Variants in DIAPH3 observed in about 807,000 individuals in gnomAD.
DIAPH3 encodes protein diaphanous homolog 3.
Under a neutral mutation model 144.3 loss-of-function variants are expected in DIAPH3, and 117 were observed. The ratio of observed to expected loss-of-function variants is 0.81; its 90% confidence interval spans 0.70 to 0.95. The LOEUF is 0.95. DIAPH3 is among the 40% of genes least tolerant of loss of function. DIAPH3 has a pLI of 0.00. For synonymous variants in DIAPH3, 519 were observed against 488.9 expected (o/e 1.06, Z -0.81); for missense variants, 1,421 against 1,412.7 (o/e 1.01, Z -0.09).
At chr13:59,984,225 C>G (rs948121083) in intron 12 of DIAPH3, among the ~76,000 whole-genome samples, 1 of 151,574 alleles carries the variant, frequency 6.6e-6, no homozygotes, top group African/African-American at 2.4e-5. Flanking sequence ...TTCCACTGTA[C>G]CACACTGAAA....
At chr13:59,829,545 A>G (rs1361285574) in intron 24 of DIAPH3, among the ~76,000 whole-genome samples, 1 of 151,962 alleles carries the variant, frequency 6.6e-6, no homozygotes, top group Non-Finnish European at 1.5e-5. Context: ...AGTTGCTACT[A>G]TAAGGATTAA....
chr13:59,969,850 T>G, intron 17 of DIAPH3, 94 bp downstream of exon 17: 2 of 766,606 alleles, frequency 2.6e-6, no homozygotes, highest in Non-Finnish European at 2.1e-6. Context: ...ATGTACAGGA[T>G]TCATAAAATA....
chr13:59,792,765 G>T (rs749009784), intron 25 of DIAPH3, among the ~76,000 whole-genome samples: 27 of 152,002 alleles, frequency 1.8e-4, no homozygotes, highest in Admixed American at 9.2e-4. Flanking sequence ...TGGTTCACAC[G>T]CTGGTATCTT....
At chr13:59,982,195 ATT>A (rs754730970) in intron 13 of DIAPH3, among the ~76,000 whole-genome samples, 14 of 151,612 alleles carry the variant, frequency 9.2e-5, no homozygotes, top group Non-Finnish European at 1.6e-4. Context: ...AGTAAATACA[ATT>A]AATTTATTAA....
At chr13:59,696,587 G>A (rs2033815237) in intron 27 of DIAPH3, among the ~76,000 whole-genome samples, 1 of 152,184 alleles carries the variant, frequency 6.6e-6, no homozygotes, top group African/African-American at 2.4e-5. Flanking sequence ...GCAAAAGGCA[G>A]GATGTTGACA....
intron 18 of DIAPH3, among the ~76,000 whole-genome samples, chr13:59,917,519 C>T (rs956679942): frequency 2.0e-5 from 3 of 152,026 alleles, no homozygotes; most frequent in Non-Finnish European, 4.4e-5. Flanking sequence ...AATATGAAAT[C>T]ATTACAATAA....
chr13:59,922,804 A>G (rs1359202), intron 18 of DIAPH3, among the ~76,000 whole-genome samples: 49,629 of 151,946 alleles, frequency 0.33, 8,811 homozygotes, highest in East Asian at 0.77. Flanking sequence ...AATAGGATAT[A>G]TATACTCTAG....
chr13:59,887,805 A>C (rs534157557), intron 20 of DIAPH3, among the ~76,000 whole-genome samples: 10 of 152,180 alleles, frequency 6.6e-5, no homozygotes, highest in African/African-American at 1.9e-4. Flanking sequence ...AGGAGTGTTA[A>C]AGTCTCATTA....
chr13:59,864,754 A>C lies in DIAPH3; in HGVS notation c.2608-3218T>G, dbSNP rs2043813887. Among the ~76,000 whole-genome samples, 3 of 152,052 alleles carry C rather than the reference A, an allele frequency of 2.0e-5. No individual in the cohort carries two copies. In the South Asian group the frequency reaches 6.2e-4, roughly 32 times the overall value. ...TTATTCAGAGACCATTATAAAGCTA[A>C]ACACTGATTTAGGAGGAGGGTGCTA... On this transcript the variant is annotated intron_variant, in intron 21 of 27. Coordinates refer to ENST00000400324, the MANE Select transcript of DIAPH3 (RefSeq NM_001042517.2).
chr13:60,017,748 A>C (rs546476719), intron 5 of DIAPH3, among the ~76,000 whole-genome samples: 101 of 152,322 alleles, frequency 6.6e-4, no homozygotes, highest in African/African-American at 2.4e-3. Context: ...CCATGAAATA[A>C]CTAATTTTTA....
chr13:59,776,606 T>C (rs1350016528), intron 25 of DIAPH3, among the ~76,000 whole-genome samples: 2 of 151,972 alleles, frequency 1.3e-5, no homozygotes, highest in Non-Finnish European at 2.9e-5. Flanking sequence ...AATAAACATG[T>C]TTTCATATTG....
At chr13:59,834,034 A>C (rs2041918836) in intron 23 of DIAPH3, among the ~76,000 whole-genome samples, 1 of 151,696 alleles carries the variant, frequency 6.6e-6, no homozygotes, top group Non-Finnish European at 1.5e-5. Context: ...TAGATTATTA[A>C]AAATTATGAT....
chr13:59,802,459 A>G (rs896111179), intron 25 of DIAPH3, among the ~76,000 whole-genome samples: 3 of 150,738 alleles, frequency 2.0e-5, no homozygotes, highest in African/African-American at 7.3e-5. Context: ...TTATTTATCA[A>G]TTTATAAATA....
intron 9 of DIAPH3, among the ~76,000 whole-genome samples, chr13:60,005,621 C>T (rs1031013797): frequency 6.6e-6 from 1 of 152,122 alleles, no homozygotes; most frequent in Non-Finnish European, 1.5e-5. Context: ...GCTGGGACTA[C>T]AGGCACCCAC....
Position 59,971,052 on chromosome 13 carries a change from C to A in DIAPH3, c.1759G>T (p.Val587Leu), listed in dbSNP as rs756449325. 1 of 1,613,536 alleles carries A rather than the reference C, an allele frequency of 6.2e-7. No homozygotes were observed. Among genetic ancestry groups the A allele is most frequent in the Non-Finnish European group, 8.5e-7 (1 of 1,179,850 alleles). The change falls in exon 16 of 28, where the codon GTG becomes TTG. Residue 587 changes from valine (V) to leucine (L), a missense_variant. Val to Leu is a conservative substitution (Grantham distance 32, BLOSUM62 1). Coordinates refer to ENST00000400324, the MANE Select transcript of DIAPH3 (RefSeq NM_001042517.2). ...PPPPLPSGGGVPPPPPPPPPP... is the reference protein window; with the variant it reads ...PPPPLPSGGGLPPPPPPPPPP... ...GGTGGGGGAGGAGGTGGAGGCGGCA[C>A]CCCTCCACCAGAAGGCAGTGGAGGC...
chr13:59,786,483 A>C lies in DIAPH3; in HGVS notation c.3164-11660T>G, dbSNP rs79279512. 2.7e-3 allele frequency among the ~76,000 whole-genome samples: 415 copies of C among 152,240 alleles called. 1 individual carries two copies. The highest frequency in any genetic ancestry group is 9.3e-3 in the African/African-American group (386 of 41,566). On this transcript the variant is annotated intron_variant, in intron 25 of 27. Coordinates refer to ENST00000400324, the MANE Select transcript of DIAPH3 (RefSeq NM_001042517.2). ...ATTCTTAATTTTCACATTTCTTATG[A>C]TTTAGGTTCTGTTGTAAGAAAATAA...
chr13:60,104,483 A>G (rs2058353716), intron 3 of DIAPH3, among the ~76,000 whole-genome samples: 1 of 151,852 alleles, frequency 6.6e-6, no homozygotes, highest in African/African-American at 2.4e-5. Context: ...TTTTGGCCAA[A>G]TATTCTAACT....
intron 11 of DIAPH3, among the ~76,000 whole-genome samples, chr13:59,991,773 T>C (rs1042697882): frequency 6.6e-6 from 1 of 151,812 alleles, no homozygotes; most frequent in Non-Finnish European, 1.5e-5. Context: ...TTCCTAATGC[T>C]AAAAAGCCCT....
chr13:59,880,978 C>CAAAAAAAAA (rs77481523), intron 20 of DIAPH3, among the ~76,000 whole-genome samples: 32 of 64,694 alleles, frequency 4.9e-4, no homozygotes, highest in East Asian at 6.8e-4. Context: ...CAACAAGGAC[C>CAAAAAAAAA]AAAAAAAAAA....
Sources: gnomAD v4.1 joint callset for allele counts (sites outside exome capture counted in the v4.1 genomes callset) on GRCh38, gnomAD v4.1.1 for gene constraint, MANE v1.5 for transcripts, NCBI Gene and HGNC (gene_info 2026-07-23, HGNC 2026-07-21) for gene names.